Variants in CLVS1 observed in about 807,000 individuals in gnomAD.
CLVS1 encodes the protein clavesin-1.
A neutral mutation model predicts 33.1 loss-of-function variants in CLVS1; 10 were observed. The observed-to-expected ratio is 0.30, with a 90% CI of 0.19 to 0.51. The LOEUF (loss-of-function observed/expected upper bound fraction) is 0.51. Ranked by LOEUF, CLVS1 falls within the 20% of genes least tolerant of loss-of-function variation. CLVS1 has a pLI of 0.97. For synonymous variants in CLVS1, 163 were observed against 166.1 expected, an observed-to-expected ratio of 0.98 and a Z score of 0.14; for missense variants, 343 against 433.4, an observed-to-expected ratio of 0.79 and a Z score of 1.85.
intron 1 of CLVS1, among the ~76,000 whole-genome samples, chr8:61,104,881 T>G (rs915748096): frequency 6.6e-6 from 1 of 152,064 alleles, no homozygotes; most frequent in Non-Finnish European, 1.5e-5. Context: ...CAGGCTGGAG[T>G]GCAATGGTAT....
At chr8:61,373,735 A>G (rs1813531159) in intron 2 of CLVS1, among the ~76,000 whole-genome samples, 1 of 152,126 alleles carries the variant, frequency 6.6e-6, no homozygotes, top group African/African-American at 2.4e-5. Context: ...TGACTTTGTT[A>G]ACTACCTTTT....
chr8:61,047,058 G>C, the CLVS1 span, among the ~76,000 whole-genome samples: 1 of 152,072 alleles, frequency 6.6e-6, no homozygotes, highest in African/African-American at 2.4e-5. Flanking sequence ...GGGCATCCCT[G>C]TCTTGCGCCA....
chr8:61,487,476 C>G (rs1451258488), intron 5 of CLVS1, among the ~76,000 whole-genome samples: 1 of 152,206 alleles, frequency 6.6e-6, no homozygotes, highest in African/African-American at 2.4e-5. Flanking sequence ...AATGCTGTCT[C>G]CTACATCGTG....
At chr8:61,011,437 T>C in the CLVS1 span, among the ~76,000 whole-genome samples, 1 of 152,108 alleles carries the variant, frequency 6.6e-6, no homozygotes. Context: ...TGATGCATCA[T>C]GTCTTTATTT....
intron 1 of CLVS1, among the ~76,000 whole-genome samples, chr8:61,066,556 G>T (rs1021768226): frequency 6.6e-6 from 1 of 152,084 alleles, no homozygotes; most frequent in Non-Finnish European, 1.5e-5. Context: ...TGGCTTTTCC[G>T]TTTGCTCCTC....
chr8:61,269,244 A>T (rs1201247720), intron 2 of CLVS1, among the ~76,000 whole-genome samples: 1 of 152,100 alleles, frequency 6.6e-6, no homozygotes, highest in Non-Finnish European at 1.5e-5. Flanking sequence ...ATGGCTAGCC[A>T]GTTTTCCCAC....
chr8:61,108,065 C>T (rs537758177), intron 1 of CLVS1, among the ~76,000 whole-genome samples: 2 of 151,894 alleles, frequency 1.3e-5, no homozygotes, highest in African/African-American at 4.8e-5. Context: ...GCCAGGAGTT[C>T]GAGACCAGCC....
chr8:61,409,402 T>G (rs1284219309), intron 3 of CLVS1, among the ~76,000 whole-genome samples: 1 of 152,260 alleles, frequency 6.6e-6, no homozygotes, highest in African/African-American at 2.4e-5. Context: ...CCTTATTATT[T>G]AAACAGTATG....
rs539605484 is a variant in CLVS1, at chr8:61,158,972, A to T, written c.-152+27112A>T. The stretch of plus-strand genomic sequence containing the variant: ...CTCCAGAGTAGCTAGGACTACAGGC[A>T]TGGGCCACCATGCTCTGCTAATTAT... On this transcript the variant is annotated intron_variant, in intron 2 of 2. Coordinates refer to the CLVS1 transcript ENST00000522621. Among the ~76,000 whole-genome samples, 20 of 152,304 alleles carry T rather than the reference A, an allele frequency of 1.3e-4. No homozygotes were observed. The South Asian group carries it at 4.1e-3, about 32-fold the overall frequency.
chr8:61,384,666 G>A (rs1814013284), intron 3 of CLVS1, among the ~76,000 whole-genome samples: 1 of 152,150 alleles, frequency 6.6e-6, no homozygotes, highest in African/African-American at 2.4e-5. Context: ...TTAAGATACT[G>A]TGGATATCTT....
intron 2 of CLVS1, among the ~76,000 whole-genome samples, chr8:61,328,338 G>T (rs1324217762): frequency 6.6e-6 from 1 of 152,154 alleles, no homozygotes; most frequent in African/African-American, 2.4e-5. Context: ...AATTATTGTT[G>T]TGTTTTCTAA....
chr8:61,475,788 C>T (rs1817903634), intron 5 of CLVS1, among the ~76,000 whole-genome samples: 1 of 151,844 alleles, frequency 6.6e-6, no homozygotes, highest in African/African-American at 2.4e-5. Flanking sequence ...TGTGCAGAAG[C>T]TCTTTAGTTT....
intron 2 of CLVS1, among the ~76,000 whole-genome samples, chr8:61,237,317 A>G (rs1808588845): frequency 6.6e-6 from 1 of 152,174 alleles, no homozygotes; most frequent in African/African-American, 2.4e-5. Context: ...GCATGGTGGT[A>G]CGTACCTGTA....
chr8:61,164,887 A>G (rs1253112600), intron 2 of CLVS1, among the ~76,000 whole-genome samples: 3 of 152,138 alleles, frequency 2.0e-5, no homozygotes, highest in Admixed American at 6.5e-5. Context: ...ATGTTCCTCC[A>G]GTCATTGGAG....
chr8:61,413,310 T>A (rs1016270902), intron 3 of CLVS1, among the ~76,000 whole-genome samples: 3 of 152,194 alleles, frequency 2.0e-5, no homozygotes, highest in Non-Finnish European at 4.4e-5. Context: ...AATACAGTTG[T>A]TTTTGGTTAT....
intron 2 of CLVS1, among the ~76,000 whole-genome samples, chr8:61,162,118 C>A (rs919115628): frequency 6.6e-6 from 1 of 152,190 alleles, no homozygotes; most frequent in African/African-American, 2.4e-5. Context: ...AACTTTGTCC[C>A]AGGCCATTGC....
the CLVS1 span, among the ~76,000 whole-genome samples, chr8:60,981,138 T>G: frequency 6.6e-6 from 1 of 152,132 alleles, no homozygotes; most frequent in Non-Finnish European, 1.5e-5. Context: ...AGCCACCAAG[T>G]TTGTAGTAAT....
intron 2 of CLVS1, among the ~76,000 whole-genome samples, chr8:61,176,156 T>G (rs1807108257): frequency 6.6e-6 from 1 of 152,222 alleles, no homozygotes; most frequent in Non-Finnish European, 1.5e-5. Context: ...TTTGTTTTTT[T>G]CTGGTCAGTG....
intron 5 of CLVS1, among the ~76,000 whole-genome samples, chr8:61,466,772 C>T (rs1037117220): frequency 6.6e-6 from 1 of 152,088 alleles, no homozygotes; most frequent in African/African-American, 2.4e-5. Flanking sequence ...CTCAGCCTCC[C>T]GAGTAGCTGG....
Sources: allele counts gnomAD v4.1 joint callset (sites outside exome capture counted in the v4.1 genomes callset), GRCh38; gene constraint gnomAD v4.1.1; transcripts MANE v1.5; gene names NCBI Gene and HGNC (gene_info 2026-07-23, HGNC 2026-07-21).